ZNF208: variants seen among roughly 807,000 people sequenced by gnomAD.
The protein encoded by ZNF208 is zinc finger protein 208, also known as zinc finger protein 95.
A neutral mutation model predicts 12.1 loss-of-function variants in ZNF208; 10 were observed. That is an observed-to-expected ratio of 0.83 (90% CI 0.51 to 1.40). The LOEUF is 1.40. ZNF208 is among the 40% of genes most tolerant of loss of function. ZNF208 has a pLI of 0.00. For missense variants in ZNF208, 1,652 were observed against 1,485.0 expected (o/e 1.11, Z -1.85); for synonymous variants, 497 against 488.4 (o/e 1.02, Z -0.23).
At chr19:22,006,113 C>A (rs994745412) in intron 1 of ZNF208, among the ~76,000 whole-genome samples, 3 of 152,164 alleles carry the variant, frequency 2.0e-5, no homozygotes, top group Non-Finnish European at 4.4e-5. Context: ...TCCGAGCCAC[C>A]ATACAACCTC....
At chr19:21,961,849 G>A (rs137936433), downstream of ZNF208, among the ~76,000 whole-genome samples, 1,932 of 152,128 alleles carry the variant, frequency 0.013, 32 homozygotes, top group African/African-American at 0.042. Flanking sequence ...GTCTTCATTC[G>A]TTCCCTAAAA....
intron 1 of ZNF208, among the ~76,000 whole-genome samples, chr19:21,999,326 G>A (rs1185687051): frequency 1.3e-5 from 2 of 151,978 alleles, no homozygotes; most frequent in Non-Finnish European, 2.9e-5. Context: ...GTAAATACGT[G>A]GCCTTAAATT....
At chr19:22,004,643 T>C (rs1269335133) in intron 1 of ZNF208, among the ~76,000 whole-genome samples, 5 of 152,150 alleles carry the variant, frequency 3.3e-5, no homozygotes, top group African/African-American at 4.8e-5. Context: ...CTGGAGATCA[T>C]TATTCTTAGA....
intron 4 of ZNF208, among the ~76,000 whole-genome samples, chr19:21,960,438 T>A (rs758792844): frequency 3.3e-5 from 5 of 152,150 alleles, no homozygotes; most frequent in Non-Finnish European, 7.4e-5. Flanking sequence ...AACTAAGGTA[T>A]GAAATCAACC....
At chr19:21,992,811 TAAGAC>T (rs1181225187) in intron 1 of ZNF208, among the ~76,000 whole-genome samples, 4 of 152,200 alleles carry the variant, frequency 2.6e-5, no homozygotes, top group Admixed American at 2.6e-4. Flanking sequence ...TTCAAATAGT[TAAGAC>T]AAACTCATTA....
chr19:22,000,469 T>A (rs991488739), intron 1 of ZNF208, among the ~76,000 whole-genome samples: 4 of 152,140 alleles, frequency 2.6e-5, no homozygotes, highest in Non-Finnish European at 5.9e-5. Flanking sequence ...TTTTGGTAAA[T>A]AATGAAATTA....
chr19:21,943,905 A>C (rs1469806651), intron 4 of ZNF208, among the ~76,000 whole-genome samples: 2 of 152,188 alleles, frequency 1.3e-5, no homozygotes, highest in African/African-American at 4.8e-5. Flanking sequence ...AATATTTACA[A>C]ACACAAAAGT....
chr19:21,946,165 T>G (rs1379058906), intron 4 of ZNF208, among the ~76,000 whole-genome samples: 1 of 152,206 alleles, frequency 6.6e-6, no homozygotes, highest in Non-Finnish European at 1.5e-5. Flanking sequence ...GTGGACACTT[T>G]CTTTTCTTTT....
At chr19:21,962,838 G>T (rs1336303009), downstream of ZNF208, among the ~76,000 whole-genome samples, 1 of 152,038 alleles carries the variant, frequency 6.6e-6, no homozygotes, top group East Asian at 1.9e-4. Context: ...ATTGAGTTCA[G>T]ATAAGATTTG....
chr19:21,994,953 T>C (rs10418345), intron 1 of ZNF208, among the ~76,000 whole-genome samples: 35,983 of 87,128 alleles, frequency 0.41, 6,148 homozygotes, highest in African/African-American at 0.54. Context: ...GTTTTTCTTT[T>C]CTTTTTTTTT....
chr19:21,988,667 T>C, intron 2 of ZNF208, 116 bp downstream of exon 2: 1 of 1,588,594 alleles, frequency 6.3e-7, no homozygotes, highest in Non-Finnish European at 8.6e-7. Flanking sequence ...CCAAATATAC[T>C]CTTTTGTCTT....
chr19:21,954,280 T>C (rs1291236298), intron 4 of ZNF208, among the ~76,000 whole-genome samples: 1 of 152,172 alleles, frequency 6.6e-6, no homozygotes, highest in Non-Finnish European at 1.5e-5. Flanking sequence ...GGAAGAAGTG[T>C]GATGTGGTGC....
chr19:21,991,091 C>G (rs920937312), intron 1 of ZNF208, among the ~76,000 whole-genome samples: 6 of 152,136 alleles, frequency 3.9e-5, no homozygotes, highest in Non-Finnish European at 8.8e-5. Flanking sequence ...ATTGAATACC[C>G]TTTATTTCCT....
intron 1 of ZNF208, among the ~76,000 whole-genome samples, chr19:21,999,493 G>C (rs1182603113): frequency 6.6e-6 from 1 of 152,112 alleles, no homozygotes; most frequent in Non-Finnish European, 1.5e-5. Context: ...AAGTATGTCA[G>C]CCAGCAAATA....
chr19:21,959,497 A>G (rs1970029432), intron 4 of ZNF208, among the ~76,000 whole-genome samples: 1 of 151,844 alleles, frequency 6.6e-6, no homozygotes, highest in Admixed American at 6.6e-5. Flanking sequence ...CTCTTTCACC[A>G]GAAGAATACC....
Position 21,969,418 on chromosome 19 carries a change from A to G in ZNF208, c.*1773T>C, listed in dbSNP as rs1350115867. Among the ~76,000 whole-genome samples, 2 of 152,174 alleles carry G rather than the reference A, an allele frequency of 1.3e-5. No individual in the cohort carries two copies. Among genetic ancestry groups the G allele is most frequent in the East Asian group, 3.8e-4 (2 of 5,202 alleles). On this transcript the variant is annotated 3_prime_UTR_variant, in exon 4 of 4. Transcript: ENST00000397126. ...TAGTTTTGGATTTTTTCCTATACTC[A>G]GCAGTCTGATTTAGTGTAATATCTG... is the stretch of plus-strand genomic sequence containing the variant.
chr19:21,957,424 T>C (rs1400543305), intron 4 of ZNF208, among the ~76,000 whole-genome samples: 1 of 152,222 alleles, frequency 6.6e-6, no homozygotes, highest in Non-Finnish European at 1.5e-5. Flanking sequence ...TTTGTTTTCC[T>C]TTAAGAAATC....
At chr19:21,962,972 G>A (rs367603785), downstream of ZNF208, among the ~76,000 whole-genome samples, 28 of 151,844 alleles carry the variant, frequency 1.8e-4, no homozygotes, top group African/African-American at 6.0e-4. Flanking sequence ...TCTCATCTAC[G>A]GTTATAAAAC....
In ZNF208 at chr19:21,973,757, T is replaced by G; in HGVS notation, c.1277A>C (p.Lys426Thr). Residue 426 changes from lysine to threonine, a missense_variant, in exon 4 of 4, where the codon AAA becomes ACA. Transcript: ENST00000397126. ...EVIHTGEKPY[K>T]CEECGKAFNW... ...GAAAGCTTTGCCACATTCTTCACATTTGTAGGGTTTCTCTCCAGTATGAAT... is the reference window on the plus strand; with the variant it reads ...GAAAGCTTTGCCACATTCTTCACATGTGTAGGGTTTCTCTCCAGTATGAAT... 6.2e-7 allele frequency: 1 copy of G among 1,606,260 alleles called. No homozygotes were observed. The highest frequency in any genetic ancestry group is 1.3e-5 in the African/African-American group (1 of 74,856).
Sources: allele counts gnomAD v4.1 joint callset (sites outside exome capture counted in the v4.1 genomes callset), GRCh38; gene constraint gnomAD v4.1.1; transcripts MANE v1.5; gene names NCBI Gene and HGNC (gene_info 2026-07-23, HGNC 2026-07-21).